ADAM8: variants seen among roughly 807,000 people sequenced by gnomAD.
ADAM8 encodes ADAM metallopeptidase domain 8, also known as disintegrin and metalloproteinase domain-containing protein 8.
A neutral mutation model predicts 102.4 loss-of-function variants in ADAM8; 104 were observed. The ratio of observed to expected loss-of-function variants is 1.02; its 90% CI spans 0.87 to 1.20. The LOEUF (loss-of-function observed/expected upper bound fraction) is 1.20. Among genes scored for constraint, ADAM8 ranks in the 50% most tolerant of loss-of-function variants. ADAM8 has a pLI of 0.00. For missense variants in ADAM8, 1,132 were observed against 1,159.0 expected, an observed-to-expected ratio of 0.98 and a Z score of 0.34; for synonymous variants, 517 against 485.2, an observed-to-expected ratio of 1.07 and a Z score of -0.86.
chr10:133,276,233 C>T lies in ADAM8; in HGVS notation c.46+539G>A, dbSNP rs868857275. On this transcript the variant is annotated intron_variant, in intron 1 of 22. Transcript: ENST00000445355. The stretch of plus-strand genomic sequence containing the variant: ...AGCCCCTATCTGCCCAGGAAACTGG[C>T]GGGAAGCAACCCGGCCTCCAGCCTG... Among the ~76,000 whole-genome samples the T allele has an allele frequency of 4.6e-5, 7 of 152,262 alleles. No individual in the cohort carries two copies. The South Asian group carries it at 6.2e-4, about 14-fold the overall frequency.
At chr10:133,267,441 C>G in intron 20 of ADAM8, 24 bp from the exon 21 acceptor site, 1 of 1,596,822 alleles carries the variant, frequency 6.3e-7, no homozygotes, top group South Asian at 1.1e-5. Context: ...GGCCGAGAGC[C>G]TGGGTCAGAG....
Position 133,262,640 on chromosome 10 carries a change from G to A in ADAM8, c.*516C>T, listed in dbSNP as rs542534150. 301 of 154,390 alleles carry A rather than the reference G, an allele frequency of 1.9e-3. No homozygotes were observed. The highest frequency in any genetic ancestry group is 9.9e-3 in the Middle Eastern group (3 of 304). 9.6% of individuals were successfully genotyped at this position (154,390 alleles called of 1,614,324 possible). A position where few individuals can be genotyped will look rare whatever the true frequency, so the allele number is the denominator to read the frequency against. On this transcript the variant is annotated 3_prime_UTR_variant, in exon 23 of 23. Transcript: ENST00000445355. The stretch of plus-strand genomic sequence containing the variant: ...CATGGGAAACAGGCCCCAAGATCAG[G>A]GGACCTGGAGTCGGGAGCTTGGGGT...
chr10:133,275,603 T>G lies in ADAM8; in HGVS notation c.47-16A>C, dbSNP rs1589814713. 1 of 1,420,140 alleles carries G rather than the reference T, an allele frequency of 7.0e-7. No homozygotes were observed. The highest frequency in any genetic ancestry group is 9.3e-7 in the Non-Finnish European group (1 of 1,073,892). 88.0% of individuals were successfully genotyped at this position (1,420,140 alleles called of 1,614,324 possible). A position where few individuals can be genotyped will look rare whatever the true frequency, so the allele number is the denominator to read the frequency against. ...GGGGCAATCGCTGCAGGAGGGAGGG[T>G]CAGCAGGCATGAGGGGCCGGGGGGC... On this transcript the variant is annotated splice_polypyrimidine_tract_variant and intron_variant, in intron 1 of 22. Coordinates refer to ENST00000445355, the MANE Select transcript of ADAM8 (RefSeq NM_001109.5).
At chr10:133,271,466 C>CT in intron 12 of ADAM8, 62 bp downstream of exon 12, 1 of 1,503,590 alleles carries the variant, frequency 6.7e-7, no homozygotes, top group South Asian at 1.3e-5. Context: ...TCACCCTGGC[C>CT]TGAAGGGACA....
chr10:133,268,654 C>T (rs1029751764), intron 19 of ADAM8, 94 bp downstream of exon 19: 175 of 1,362,578 alleles, frequency 1.3e-4, no homozygotes, highest in Middle Eastern at 1.8e-4. Context: ...GTGTCCGTGC[C>T]GTCCACCATG....
intron 21 of ADAM8, 85 bp downstream of exon 21, chr10:133,267,267 C>T (rs929211908): frequency 6.9e-7 from 1 of 1,440,150 alleles, no homozygotes; most frequent in African/African-American, 1.4e-5. Context: ...GATCCCTGGC[C>T]CCCGGTGCAG....
intron 19 of ADAM8, 136 bp from the exon 20 acceptor site, chr10:133,268,254 G>T: frequency 1.3e-6 from 1 of 791,952 alleles, no homozygotes; most frequent in Non-Finnish European, 1.8e-6. Flanking sequence ...GAGACAGACA[G>T]GCCCAGGAGG....
chr10:133,274,225 G>T lies in ADAM8; in HGVS notation c.161C>A (p.Pro54Gln). 1 of 1,572,064 alleles carries T rather than the reference G, an allele frequency of 6.4e-7. No individual in the cohort carries two copies. The highest frequency in any genetic ancestry group is 1.2e-5 in the South Asian group (1 of 85,222). Residue 54 changes from proline (P) to glutamine (Q), a missense_variant, in exon 3 of 23, where the codon CCA becomes CAA. Transcript: ENST00000445355. Reference protein sequence around the residue: ...RALPSHLGLHPERVSYVLGAT... With the variant: ...RALPSHLGLHQERVSYVLGAT... The stretch of plus-strand genomic sequence containing the variant: ...CCCAAGGACGTAGCTCACCCTCTCT[G>T]GGTGCAGGCCCTGAGCGAGGAGGGA...
chr10:133,276,114 C>A (rs1846742305), intron 1 of ADAM8: 1 of 154,964 alleles, frequency 6.5e-6, no homozygotes, highest in African/African-American at 2.4e-5. Context: ...TCGGAGACCA[C>A]CAACCCCAGG....
At position 133,271,063 on chromosome 10, in the gene ADAM8, G is replaced by T. The variant is rs779344892; in HGVS notation, c.1382C>A (p.Pro461Gln). ...GTCCQECKVK[P>Q]AGELCRPKKD... ...CTTGGGACGGCACAGCTCACCAGCC[G>T]GCTTCACCTGGCCCAGCAGAGAACA... The change falls in exon 14 of 23, where the codon CCG becomes CAG. Residue 461 changes from proline (P) to glutamine (Q), a missense_variant. By Grantham distance (76) the Pro-to-Gln change is moderately conservative. Transcript: ENST00000445355. The T allele has an allele frequency of 2.5e-6, 4 of 1,610,276 alleles. No individual in the cohort carries two copies. The South Asian group carries it at 4.4e-5, about 18-fold the overall frequency.
intron 18 of ADAM8, 71 bp from the exon 19 acceptor site, chr10:133,268,933 AGACAC>A (rs1846425793): frequency 6.4e-7 from 1 of 1,554,164 alleles, no homozygotes; most frequent in Admixed American, 1.9e-5. Flanking sequence ...AGGTTCCCAG[AGACAC>A]GGTCTTTCTC....
chr10:133,270,693 T>TG, intron 15 of ADAM8, 43 bp downstream of exon 15: 1 of 1,584,232 alleles, frequency 6.3e-7, no homozygotes, highest in Non-Finnish European at 8.6e-7. Flanking sequence ...GACCCCGCTG[T>TG]GGGAACAGCA....
intron 22 of ADAM8, 23 bp downstream of exon 22, chr10:133,263,665 C>A: frequency 1.3e-6 from 2 of 1,536,750 alleles, no homozygotes; most frequent in Admixed American, 2.0e-5. Context: ...GTGGACTCTG[C>A]CTGGTGTGTG....
At chr10:133,271,781 G>T in intron 11 of ADAM8, 25 bp downstream of exon 11, 2 of 1,605,152 alleles carry the variant, frequency 1.2e-6, no homozygotes, top group Non-Finnish European at 1.7e-6. Flanking sequence ...GCATACCCTG[G>T]CTCTGCAGGG....
chr10:133,270,752 T>A lies in ADAM8; in HGVS notation c.1618A>T (p.Lys540Ter). ...TCAGCTCACCTGTACCGGCTGGCCT[T>A]GCAGCCTGGTAGGATGTCATAGGAG... ...CFSYDILPGC[K>*]ASRYRADMCG... Residue 540 changes from lysine to a stop codon, truncating the protein, a stop_gained, in exon 15 of 23, where the codon AAG becomes TAG. Transcript: ENST00000445355. LOFTEE classifies it high-confidence loss of function. 1 of 1,606,326 alleles carries A rather than the reference T, an allele frequency of 6.2e-7. No homozygotes were observed. The highest frequency in any genetic ancestry group is 8.5e-7 in the Non-Finnish European group (1 of 1,176,302).
intron 1 of ADAM8, 140 bp from the exon 2 acceptor site, chr10:133,275,727 C>T (rs1846728095): frequency 5.5e-6 from 3 of 548,408 alleles, no homozygotes; most frequent in South Asian, 2.6e-5. Flanking sequence ...GGGACAAAGA[C>T]TCAAGTGAGG....
chr10:133,271,261 G>A lies in ADAM8; in HGVS notation c.1313C>T (p.Thr438Ile). 6.2e-7 allele frequency: 1 copy of A among 1,611,252 alleles called. No homozygotes were observed. Residue 438 changes from threonine (T) to isoleucine (I), a missense_variant, in exon 13 of 23, where the codon ACC becomes ATC. Thr to Ile is a moderately conservative substitution (Grantham distance 89). Transcript: ENST00000445355. ...GGCCCCCTCAGCCAGCTGGCAGGTGGTAGAGTTGCAGCAGCGGTTCCGGCA... is the reference window on the plus strand; with the variant it reads ...GGCCCCCTCAGCCAGCTGGCAGGTGATAGAGTTGCAGCAGCGGTTCCGGCA... ...EDCRNRCCNS[T>I]TCQLAEGAQC...
chr10:133,272,634 C>T, intron 8 of ADAM8, 49 bp from the exon 9 acceptor site: 2 of 1,570,888 alleles, frequency 1.3e-6, no homozygotes, highest in Non-Finnish European at 1.7e-6. Context: ...GCGGAAGGTA[C>T]AGCAGGGAGG....
intron 22 of ADAM8, 112 bp downstream of exon 22, chr10:133,263,576 A>G: frequency 1.1e-6 from 1 of 942,720 alleles, no homozygotes. Context: ...GTTTATCCAC[A>G]GATAATCAGA....
Sources: allele counts gnomAD v4.1 joint callset (sites outside exome capture counted in the v4.1 genomes callset), GRCh38; gene constraint gnomAD v4.1.1; transcripts MANE v1.5; gene names NCBI Gene and HGNC (gene_info 2026-07-23, HGNC 2026-07-21).